The following SH3D19 variants were observed in gnomAD, a reference collection of about 807,000 sequenced individuals.
SH3D19 encodes the protein SH3 domain-containing protein 19.
SH3D19 carries 58 observed loss-of-function variants against 112.1 expected under a neutral mutation model. The ratio of observed to expected loss-of-function variants is 0.52; its 90% CI spans 0.42 to 0.64. The LOEUF (loss-of-function observed/expected upper bound fraction) is 0.64. SH3D19 is among the 30% of genes least tolerant of loss of function. The pLI is 0.00. For synonymous variants in SH3D19, 391 were observed against 448.5 expected, an observed-to-expected ratio of 0.87 and a Z score of 1.62; for missense variants, 1,090 against 1,263.4, an observed-to-expected ratio of 0.86 and a Z score of 2.08.
intron 19 of SH3D19, among the ~76,000 whole-genome samples, chr4:151,125,036 G>C (rs889554829): frequency 6.7e-6 from 1 of 148,362 alleles, no homozygotes; most frequent in Non-Finnish European, 1.5e-5. Flanking sequence ...TGACTCTCAA[G>C]GACTAAGGCA....
intron 1 of SH3D19, among the ~76,000 whole-genome samples, chr4:151,313,937 T>G (rs1272298942): frequency 6.6e-6 from 1 of 152,232 alleles, no homozygotes; most frequent in African/African-American, 2.4e-5. Flanking sequence ...TTGGAAATAG[T>G]GACATTTATT....
Position 151,233,436 on chromosome 4 carries a change from G to A in SH3D19, c.113-7350C>T, listed in dbSNP as rs144575929. Among the ~76,000 whole-genome samples the A allele has an allele frequency of 1.6e-3, 236 of 152,198 alleles. 1 individual carries two copies. The highest frequency in any genetic ancestry group is 5.4e-3 in the African/African-American group (225 of 41,536). ...TACATTCCCTTTCGATGCTCTAGGA[G>A]AGAATCCCTTTCCTTGCCTTTCGCA... On this transcript the variant is annotated intron_variant, in intron 1 of 19. Transcript: ENST00000604030.
chr4:151,186,340 A>G (rs72965698), intron 3 of SH3D19, among the ~76,000 whole-genome samples: 33 of 152,350 alleles, frequency 2.2e-4, no homozygotes, highest in African/African-American at 7.9e-4. Flanking sequence ...ATGGTAGTAT[A>G]AGCCCGTCTT....
At chr4:151,180,625 C>T (rs1182383821) in intron 3 of SH3D19, among the ~76,000 whole-genome samples, 1 of 151,660 alleles carries the variant, frequency 6.6e-6, no homozygotes, top group African/African-American at 2.4e-5. Flanking sequence ...CCAGGATGGT[C>T]TCGATCTCCC....
intron 1 of SH3D19, among the ~76,000 whole-genome samples, chr4:151,307,212 C>T (rs902674011): frequency 9.9e-5 from 15 of 151,530 alleles, no homozygotes; most frequent in Non-Finnish European, 2.1e-4. Context: ...TTAGTAGAGA[C>T]GGGGTTTCAC....
intron 9 of SH3D19, among the ~76,000 whole-genome samples, chr4:151,156,962 CAG>C (rs1302997940): frequency 6.6e-6 from 1 of 152,150 alleles, no homozygotes; most frequent in African/African-American, 2.4e-5. Flanking sequence ...AACATCGTAA[CAG>C]CAAAAACCCC....
intron 1 of SH3D19, among the ~76,000 whole-genome samples, chr4:151,288,006 A>T (rs1350876288): frequency 3.3e-5 from 5 of 152,172 alleles, no homozygotes; most frequent in Non-Finnish European, 7.3e-5. Context: ...ATGTTCTTAG[A>T]ATAAAGAGCA....
chr4:151,320,621 G>A (rs1473292484), intron 1 of SH3D19, among the ~76,000 whole-genome samples: 3 of 152,218 alleles, frequency 2.0e-5, no homozygotes, highest in Admixed American at 6.5e-5. Flanking sequence ...GGTGGAAGAA[G>A]ATATTTGTAA....
intron 1 of SH3D19, chr4:151,279,713 G>T: frequency 7.5e-7 from 1 of 1,339,206 alleles, no homozygotes; most frequent in South Asian, 1.3e-5. Flanking sequence ...GGAATAGATG[G>T]GAGTTTGGGA....
At chr4:151,183,666 AT>A (rs1273783030) in intron 3 of SH3D19, among the ~76,000 whole-genome samples, 3 of 152,244 alleles carry the variant, frequency 2.0e-5, no homozygotes, top group African/African-American at 7.2e-5. Flanking sequence ...TAGAAGGATT[AT>A]TAATTATAAA....
At chr4:151,230,681 C>T (rs1769540879) in intron 1 of SH3D19, among the ~76,000 whole-genome samples, 1 of 151,650 alleles carries the variant, frequency 6.6e-6, no homozygotes, top group Admixed American at 6.6e-5. Flanking sequence ...CAATCTCTGC[C>T]TCCCAGGTTC....
chr4:151,228,073 G>A (rs1769272231), intron 1 of SH3D19: 2 of 981,132 alleles, frequency 2.0e-6, no homozygotes, highest in African/African-American at 3.5e-5. Context: ...AAATTCTACA[G>A]TCATTTTTAT....
At chr4:151,161,716 T>C (rs1757188595) in intron 8 of SH3D19, among the ~76,000 whole-genome samples, 1 of 150,410 alleles carries the variant, frequency 6.6e-6, no homozygotes, top group Non-Finnish European at 1.5e-5. Context: ...ATGTGCCATG[T>C]TGGTGTGCTC....
intron 1 of SH3D19, among the ~76,000 whole-genome samples, chr4:151,248,489 CT>C (rs1197579318): frequency 6.6e-6 from 1 of 152,136 alleles, no homozygotes; most frequent in Non-Finnish European, 1.5e-5. Flanking sequence ...CTTCAAAGTT[CT>C]CTCCATAACA....
In SH3D19 at chr4:151,174,807, G is replaced by A; in HGVS notation, c.1397C>T (p.Pro466Leu). The A allele has an allele frequency of 6.4e-7, 1 of 1,563,172 alleles. No homozygotes were observed. The highest frequency in any genetic ancestry group is 1.4e-5 in the African/African-American group (1 of 73,248). ...AACTGGAACTGGGGGGTTGGCTGGGGGCCCTTCTCCCAGTGACTTGTATGC... is the reference window on the plus strand; with the variant it reads ...AACTGGAACTGGGGGGTTGGCTGGGAGCCCTTCTCCCAGTGACTTGTATGC... ...AKAYKSLGEG[P>L]PANPPVPVLQ... The change falls in exon 7 of 20, where the codon CCC becomes CTC. Residue 466 changes from proline (P) to leucine (L), a missense_variant. Transcript: ENST00000604030.
chr4:151,147,270 A>G (rs1754084780), intron 11 of SH3D19, among the ~76,000 whole-genome samples: 1 of 152,198 alleles, frequency 6.6e-6, no homozygotes, highest in Admixed American at 6.5e-5. Flanking sequence ...CATCTCTTAA[A>G]TGAAAGGAAA....
chr4:151,289,059 T>C (rs1400194337), intron 1 of SH3D19, among the ~76,000 whole-genome samples: 1 of 152,236 alleles, frequency 6.6e-6, no homozygotes, highest in Admixed American at 6.5e-5. Flanking sequence ...TGAAATAGGA[T>C]TGAGTGTACA....
rs1561461612 is a variant in SH3D19, at chr4:151,325,151, GAA to G, written c.112+88_112+89del. The G allele has an allele frequency of 9.5e-5, 63 of 665,466 alleles. No individual in the cohort carries two copies. The South Asian group carries it at 4.4e-3, about 46-fold the overall frequency. The allele number at this position is 665,466 out of a possible 1,614,324, so 41.2% of individuals were successfully genotyped here. Reference sequence around the variant, plus strand: ...AGAAGCCGGTCCCATCCCGGCGCGTGAAGGAGCTGCCGCTGTGTGGGGCAGGA... The same window carrying G: ...AGAAGCCGGTCCCATCCCGGCGCGTGGGAGCTGCCGCTGTGTGGGGCAGGA... On this transcript the variant is annotated intron_variant, in intron 1 of 19. Transcript: ENST00000604030.
At chr4:151,226,204 T>A in intron 1 of SH3D19, 118 bp from the exon 2 acceptor site, 5 of 1,227,864 alleles carry the variant, frequency 4.1e-6, no homozygotes, top group Non-Finnish European at 5.1e-6. Context: ...AAGGTAGTTG[T>A]GTCTTCCTAA....
Sources: gnomAD v4.1 joint callset for allele counts (sites outside exome capture counted in the v4.1 genomes callset) on GRCh38, gnomAD v4.1.1 for gene constraint, MANE v1.5 for transcripts, NCBI Gene and HGNC (gene_info 2026-07-23, HGNC 2026-07-21) for gene names.